BARX2: variants seen among roughly 807,000 people sequenced by gnomAD.
The protein encoded by BARX2 is BARX homeobox 2.
A neutral mutation model predicts 25.5 loss-of-function variants in BARX2; 11 were observed. The observed-to-expected ratio is 0.43, with a 90% CI of 0.27 to 0.71. BARX2 has a LOEUF of 0.71. Among genes scored for constraint, BARX2 ranks in the 30% least tolerant of loss-of-function variants. The probability of loss-of-function intolerance (pLI) is 0.19; values close to 1 mark genes in which losing one functional copy is unlikely to be tolerated. For synonymous variants in BARX2, 137 were observed against 149.5 expected (o/e 0.92, Z 0.61); for missense variants, 360 against 359.9 (o/e 1.00, Z 0.00).
chr11:129,425,335 A>C (rs1862050485), intron 1 of BARX2, among the ~76,000 whole-genome samples: 1 of 152,242 alleles, frequency 6.6e-6, no homozygotes, highest in Non-Finnish European at 1.5e-5. Flanking sequence ...GTGTGGGTGC[A>C]TGAAGGTAGG....
chr11:129,386,871 A>T (rs1487336039), intron 1 of BARX2, among the ~76,000 whole-genome samples: 1 of 152,092 alleles, frequency 6.6e-6, no homozygotes, highest in East Asian at 1.9e-4. Flanking sequence ...TCCTGCCACC[A>T]CTCCTGTCTG....
At chr11:129,389,196 T>C (rs1182620221) in intron 1 of BARX2, among the ~76,000 whole-genome samples, 1 of 152,240 alleles carries the variant, frequency 6.6e-6, no homozygotes, top group Non-Finnish European at 1.5e-5. Flanking sequence ...ACAAAGTGCT[T>C]AGTATTTGAT....
chr11:129,385,082 G>T (rs184921406), intron 1 of BARX2, among the ~76,000 whole-genome samples: 104 of 152,264 alleles, frequency 6.8e-4, no homozygotes, highest in African/African-American at 2.4e-3. Context: ...TGATAAGTGG[G>T]AACACCCGAA....
chr11:129,402,056 C>T (rs1381712900), intron 1 of BARX2, among the ~76,000 whole-genome samples: 4 of 145,142 alleles, frequency 2.8e-5, no homozygotes, highest in African/African-American at 7.6e-5. Flanking sequence ...ATGCAAAAGA[C>T]ATAAATATCC....
intron 1 of BARX2, among the ~76,000 whole-genome samples, chr11:129,385,203 G>A (rs1333888090): frequency 1.3e-5 from 2 of 152,188 alleles, no homozygotes; most frequent in African/African-American, 4.8e-5. Flanking sequence ...CGGCGGGAGT[G>A]CTGTATGGTA....
In BARX2 at chr11:129,375,890, TCTC is replaced by T. The variant is rs1369889267; in HGVS notation, c.-141_-139del. On this transcript the variant is annotated 5_prime_UTR_variant, in exon 1 of 4. Transcript: ENST00000281437. This position sits in a 1 kb window ranked among gnomAD's most constrained non-coding sequence, Gnocchi z 4.0. ...CGCGGCAGGCGCGCCCGCTACCCGC[TCTC>T]CTCCGCGCGCCACCCGAGCCCCGCC... is the stretch of plus-strand genomic sequence containing the variant. 1 of 257,794 alleles carries T rather than the reference TCTC, an allele frequency of 3.9e-6. No individual in the cohort carries two copies. The highest frequency in any genetic ancestry group is 2.3e-5 in the African/African-American group (1 of 43,066). The allele number at this position is 257,794 out of a possible 1,614,324, so 16.0% of individuals were successfully genotyped here. A position where few individuals can be genotyped will look rare whatever the true frequency, so the allele number is the denominator to read the frequency against.
intron 1 of BARX2, among the ~76,000 whole-genome samples, chr11:129,426,477 A>G (rs1862064399): frequency 6.6e-6 from 1 of 152,072 alleles, no homozygotes; most frequent in African/African-American, 2.4e-5. Flanking sequence ...AGTTAAAGCA[A>G]TTCATCTGCC....
Position 129,376,191 on chromosome 11 carries a change from C to A in BARX2, c.156C>A (p.Val52=). Residue 52 remains valine, a synonymous_variant, in exon 1 of 4, where the codon GTC becomes GTA. Transcript: ENST00000281437. The surrounding 1 kb of genome is among the most constrained non-coding windows in gnomAD (Gnocchi z 4.2). ...TCTACTCCGTGTGCCCGTCGCTGGT[C>A]GTGCGACCCAAGCCCCTGCATTCCT... ...LSLYSVCPSL[V]VRPKPLHSCT... The A allele has an allele frequency of 6.2e-7, 1 of 1,610,978 alleles. No individual in the cohort carries two copies. The highest frequency in any genetic ancestry group is 1.1e-5 in the South Asian group (1 of 90,694).
At chr11:129,397,886 A>G (rs79533918) in intron 1 of BARX2, among the ~76,000 whole-genome samples, 2,616 of 152,336 alleles carry the variant, frequency 0.017, 75 homozygotes, top group African/African-American at 0.06. Context: ...CAGAGGCAGA[A>G]CATTTCTGAA....
chr11:129,395,685 T>C (rs4937425), intron 1 of BARX2, among the ~76,000 whole-genome samples: 93,560 of 152,018 alleles, frequency 0.62, 30,796 homozygotes, highest in Middle Eastern at 0.74. Context: ...TGGTCAGCTC[T>C]GCATTTGCCT....
intron 1 of BARX2, among the ~76,000 whole-genome samples, chr11:129,411,227 C>T (rs529642924): frequency 9.9e-5 from 15 of 152,022 alleles, no homozygotes; most frequent in Middle Eastern, 3.4e-3. Flanking sequence ...AAAAATTAGC[C>T]GGGCGTGGTG....
At position 129,441,737 on chromosome 11, in the gene BARX2, A is replaced by G. The variant is rs367556789; in HGVS notation, c.489-1098A>G. On this transcript the variant is annotated intron_variant, in intron 2 of 3. Transcript: ENST00000281437. The stretch of plus-strand genomic sequence containing the variant: ...AGTGCTGGGATTACAGGCATGAGCC[A>G]CTGTGCCTGGCCTGTTACAATAAAA... Among the ~76,000 whole-genome samples the G allele has an allele frequency of 6.6e-4, 101 of 152,340 alleles. 3 individuals carry two copies. In the South Asian group the frequency reaches 0.02, roughly 31 times the overall value.
chr11:129,385,813 A>G (rs1243099833), intron 1 of BARX2, among the ~76,000 whole-genome samples: 1 of 152,244 alleles, frequency 6.6e-6, no homozygotes, highest in Non-Finnish European at 1.5e-5. Flanking sequence ...TCATAACATG[A>G]AGATTGAAAA....
chr11:129,436,713 G>A lies in BARX2; in HGVS notation c.188-38G>A, dbSNP rs375068036. The A allele has an allele frequency of 1.9e-5, 29 of 1,527,964 alleles. No individual in the cohort carries two copies. The highest frequency in any genetic ancestry group is 8.0e-5 in the Admixed American group (4 of 49,944). The allele number at this position is 1,527,964 out of a possible 1,614,324, so 94.7% of individuals were successfully genotyped here. On this transcript the variant is annotated intron_variant, in intron 1 of 3. Transcript: ENST00000281437. This position sits in a 1 kb window ranked among gnomAD's most constrained non-coding sequence, Gnocchi z 4.5. ...AGGTCCTGGCCTGCTTCCCCACACC[G>A]TTCCCTGTGGTGACCTGCCTCCCTG...
At chr11:129,397,659 G>A (rs772414168) in intron 1 of BARX2, among the ~76,000 whole-genome samples, 13 of 152,186 alleles carry the variant, frequency 8.5e-5, no homozygotes, top group East Asian at 7.7e-4. Context: ...TGATGTGAGC[G>A]TCAGAGCCCC....
At chr11:129,379,189 C>G (rs1278971902) in intron 1 of BARX2, among the ~76,000 whole-genome samples, 1 of 152,166 alleles carries the variant, frequency 6.6e-6, no homozygotes, top group Non-Finnish European at 1.5e-5. Flanking sequence ...AATCCTTTCC[C>G]TGTAAGCCTC....
At chr11:129,381,371 CTTTG>C (rs535030435) in intron 1 of BARX2, among the ~76,000 whole-genome samples, 33 of 152,020 alleles carry the variant, frequency 2.2e-4, no homozygotes, top group East Asian at 1.4e-3. Flanking sequence ...CTAAGCCCTT[CTTTG>C]TTTGTTTTGT....
chr11:129,381,639 C>A (rs1490252888), intron 1 of BARX2, among the ~76,000 whole-genome samples: 1 of 152,126 alleles, frequency 6.6e-6, no homozygotes. Context: ...GGATCCAAGA[C>A]TGAATTTGTG....
At chr11:129,429,403 T>C (rs1565519373) in intron 1 of BARX2, among the ~76,000 whole-genome samples, 1 of 152,082 alleles carries the variant, frequency 6.6e-6, no homozygotes, top group Non-Finnish European at 1.5e-5. Flanking sequence ...CATGTGCCTG[T>C]AGTCCCAGCT....
Sources: allele counts gnomAD v4.1 joint callset (sites outside exome capture counted in the v4.1 genomes callset), GRCh38; gene constraint gnomAD v4.1.1; non-coding constraint Gnocchi (gnomAD v3.1); transcripts MANE v1.5; gene names NCBI Gene and HGNC (gene_info 2026-07-23, HGNC 2026-07-21).